Variants in GREB1L observed in about 807,000 individuals in gnomAD.
The protein encoded by GREB1L is GREB1-like protein.
Under a neutral mutation model 200.8 loss-of-function variants are expected in GREB1L, and 17 were observed. That is an observed-to-expected ratio of 0.08 (90% CI 0.06 to 0.13). The LOEUF (loss-of-function observed/expected upper bound fraction) is 0.13. Among genes scored for constraint, GREB1L ranks in the 10% least tolerant of loss-of-function variants. The pLI, the probability that GREB1L is intolerant of heterozygous loss-of-function variation, is 1.00. For synonymous variants in GREB1L, 789 were observed against 893.0 expected, an observed-to-expected ratio of 0.88 and a Z score of 2.08; for missense variants, 1,657 against 2,367.7, an observed-to-expected ratio of 0.70 and a Z score of 6.23.
At chr18:21,266,693 T>A (rs2037974039) in intron 1 of GREB1L, among the ~76,000 whole-genome samples, 1 of 152,214 alleles carries the variant, frequency 6.6e-6, no homozygotes, top group Non-Finnish European at 1.5e-5. Context: ...TGGTTCAAAT[T>A]ACAATAAAAT....
At chr18:21,267,175 G>C (rs1329315572) in intron 1 of GREB1L, among the ~76,000 whole-genome samples, 2 of 144,686 alleles carry the variant, frequency 1.4e-5, no homozygotes, top group Admixed American at 1.4e-4. Flanking sequence ...CTCGTGATCT[G>C]CCTGCCTCGG....
chr18:21,315,554 G>A (rs1171510991), intron 1 of GREB1L, among the ~76,000 whole-genome samples: 1 of 152,104 alleles, frequency 6.6e-6, no homozygotes, highest in Non-Finnish European at 1.5e-5. Context: ...TAAATGTTCA[G>A]CATTAGAGGA....
intron 31 of GREB1L, 93 bp from the exon 32 acceptor site, chr18:21,520,595 A>G (rs1175517031): frequency 3.7e-6 from 5 of 1,348,932 alleles, no homozygotes; most frequent in Non-Finnish European, 5.1e-6. Flanking sequence ...ATCCTGAAAT[A>G]GAGAAAAAGG....
intron 1 of GREB1L, among the ~76,000 whole-genome samples, chr18:21,267,722 A>AT (rs1218497934): frequency 3.2e-4 from 49 of 151,144 alleles, no homozygotes; most frequent in African/African-American, 1.2e-3. Flanking sequence ...ATTTGCAGGA[A>AT]TTTTTTTTTC....
At chr18:21,458,342 G>A (rs1039494000) in intron 15 of GREB1L, among the ~76,000 whole-genome samples, 2 of 152,174 alleles carry the variant, frequency 1.3e-5, no homozygotes, top group Non-Finnish European at 2.9e-5. Flanking sequence ...GCACCAGCAG[G>A]TGCTCAACTG....
At position 21,397,632 on chromosome 18, in the gene GREB1L, T is replaced by C. The variant is rs373892499; in HGVS notation, c.532+2071T>C. On this transcript the variant is annotated intron_variant, in intron 5 of 32. Transcript: ENST00000424526. ...AGGAGAATAGCGTGAACCCGGGAGG[T>C]GGAGCTTGCAGTGAGCCAAGATGGC... Among the ~76,000 whole-genome samples, 29 of 150,056 alleles carry C rather than the reference T, an allele frequency of 1.9e-4. 1 individual carries two copies. In the South Asian group the frequency reaches 6.2e-3, roughly 32 times the overall value.
intron 1 of GREB1L, among the ~76,000 whole-genome samples, chr18:21,270,348 T>G (rs1284208872): frequency 6.6e-6 from 1 of 152,182 alleles, no homozygotes; most frequent in Non-Finnish European, 1.5e-5. Context: ...ACATGGGCCT[T>G]AATCCTTGTT....
At chr18:21,484,805 A>G (rs1200954165) in intron 17 of GREB1L, among the ~76,000 whole-genome samples, 3 of 152,202 alleles carry the variant, frequency 2.0e-5, no homozygotes, top group Non-Finnish European at 4.4e-5. Flanking sequence ...CCTGGGCAAC[A>G]AGAGCAAAAC....
intron 2 of GREB1L, among the ~76,000 whole-genome samples, chr18:21,374,254 T>C (rs1030329295): frequency 3.3e-5 from 5 of 152,200 alleles, no homozygotes; most frequent in African/African-American, 1.2e-4. Context: ...TCTGCCTGCC[T>C]TGGCCTCCCA....
chr18:21,460,902 G>T lies in GREB1L; in HGVS notation c.2182+6339G>T, dbSNP rs189795881. On this transcript the variant is annotated intron_variant, in intron 15 of 32. Transcript: ENST00000424526. Reference sequence around the variant, plus strand: ...ACCTGAGGTCAGGAGTTCGAGACCAGCCGGGCCAACATAGTGAAACCCTGT... The same window carrying T: ...ACCTGAGGTCAGGAGTTCGAGACCATCCGGGCCAACATAGTGAAACCCTGT... Among the ~76,000 whole-genome samples the T allele has an allele frequency of 4.3e-4, 65 of 151,628 alleles. No homozygotes were observed. In the East Asian group the frequency reaches 0.012, roughly 29 times the overall value.
At chr18:21,376,812 CAAA>C (rs534144361) in intron 2 of GREB1L, among the ~76,000 whole-genome samples, 24 of 59,676 alleles carry the variant, frequency 4.0e-4, no homozygotes, top group Non-Finnish European at 7.1e-4. Flanking sequence ...GAGTCCGTCT[CAAA>C]AAAAAAAAAA....
intron 31 of GREB1L, 115 bp from the exon 32 acceptor site, chr18:21,520,573 C>T (rs1390942274): frequency 2.5e-6 from 3 of 1,178,864 alleles, no homozygotes; most frequent in African/African-American, 3.1e-5. Context: ...AAAAACTCAT[C>T]TCCTTTACCT....
chr18:21,307,746 C>T (rs555499687), intron 1 of GREB1L, among the ~76,000 whole-genome samples: 1 of 152,114 alleles, frequency 6.6e-6, no homozygotes, highest in Admixed American at 6.5e-5. Context: ...CAGCAGGAGA[C>T]TCGGGGGCGG....
chr18:21,344,315 C>T (rs1450876668), intron 1 of GREB1L, among the ~76,000 whole-genome samples: 4 of 152,078 alleles, frequency 2.6e-5, no homozygotes, highest in Non-Finnish European at 5.9e-5. Flanking sequence ...GCAGGAGAAT[C>T]GCTTGAACTC....
intron 1 of GREB1L, among the ~76,000 whole-genome samples, chr18:21,338,869 A>G (rs557098116): frequency 2.6e-5 from 4 of 152,312 alleles, no homozygotes; most frequent in Admixed American, 1.3e-4. Flanking sequence ...TGGATCAAAA[A>G]TTATCAGTCT....
At chr18:21,318,103 G>A (rs1395373175) in intron 1 of GREB1L, among the ~76,000 whole-genome samples, 4 of 47,424 alleles carry the variant, frequency 8.4e-5, no homozygotes, top group Non-Finnish European at 1.1e-4. Context: ...GTGAGATTCC[G>A]TCAAAAAAAA....
Position 21,272,609 on chromosome 18 carries a change from G to T in GREB1L, c.-120+30216G>T, listed in dbSNP as rs8093657. Among the ~76,000 whole-genome samples, 203 of 152,238 alleles carry T rather than the reference G, an allele frequency of 1.3e-3. 1 individual carries two copies. The highest frequency in any genetic ancestry group is 4.6e-3 in the African/African-American group (193 of 41,544). ...TAAAATATGAGGCAGCCTCAAGCAC[G>T]TTATTTCCAAAACACCTTCCTTGAC... On this transcript the variant is annotated intron_variant, in intron 1 of 32. Transcript: ENST00000424526.
At chr18:21,474,756 G>A (rs534865687) in intron 16 of GREB1L, among the ~76,000 whole-genome samples, 1 of 152,310 alleles carries the variant, frequency 6.6e-6, no homozygotes, top group East Asian at 1.9e-4. Flanking sequence ...CTAGGTCTGT[G>A]GATGGGAGGG....
chr18:21,391,726 T>G (rs543277014), intron 4 of GREB1L, among the ~76,000 whole-genome samples: 14 of 152,356 alleles, frequency 9.2e-5, no homozygotes, highest in African/African-American at 3.4e-4. Flanking sequence ...ATTCAGAGAT[T>G]TAAAAATTAA....
Sources: gnomAD v4.1 joint callset for allele counts (sites outside exome capture counted in the v4.1 genomes callset) on GRCh38, gnomAD v4.1.1 for gene constraint, MANE v1.5 for transcripts, NCBI Gene and HGNC (gene_info 2026-07-23, HGNC 2026-07-21) for gene names.